Variants in RERE observed in about 807,000 individuals in gnomAD.
RERE encodes the protein arginine-glutamic acid dipeptide repeats protein.
In RERE, 40 loss-of-function variants were observed where a neutral mutation model predicts 146.1. The observed-to-expected ratio is 0.27, with a 90% CI of 0.21 to 0.36. RERE has a LOEUF of 0.36. Ranked by LOEUF, RERE falls within the 10% of genes least tolerant of loss-of-function variation. The pLI is 1.00. For synonymous variants in RERE, 1,003 were observed against 866.0 expected (o/e 1.16, Z -2.78); for missense variants, 1,933 against 2,138.7 (o/e 0.90, Z 1.90).
intron 11 of RERE, among the ~76,000 whole-genome samples, chr1:8,449,767 C>T (rs1205334961): frequency 6.6e-6 from 1 of 152,188 alleles, no homozygotes; most frequent in Non-Finnish European, 1.5e-5. Flanking sequence ...AATTGTGAAA[C>T]ATGACCACAA....
At chr1:8,455,315 G>C (rs762273778) in intron 11 of RERE, among the ~76,000 whole-genome samples, 5 of 152,022 alleles carry the variant, frequency 3.3e-5, no homozygotes, top group Non-Finnish European at 7.4e-5. Flanking sequence ...GATCACAAGG[G>C]AGCACGATTC....
chr1:8,688,060 C>T lies in RERE; in HGVS notation c.-144-31619G>A, dbSNP rs116166096. On this transcript the variant is annotated intron_variant, in intron 1 of 22. Transcript: ENST00000400908. ...CCCCAACTTAAGAGGGTCTAACATA[C>T]GATTTTTTCAAATTAACAACAGTCC... is the stretch of plus-strand genomic sequence containing the variant. 4.8e-3 allele frequency among the ~76,000 whole-genome samples: 729 copies of T among 152,224 alleles called. 6 individuals carry two copies. The highest frequency in any genetic ancestry group is 0.016 in the African/African-American group (664 of 41,548).
At chr1:8,750,704 A>T (rs1179470344) in intron 1 of RERE, 2 of 815,784 alleles carry the variant, frequency 2.5e-6, no homozygotes, top group African/African-American at 3.3e-5. Flanking sequence ...GGCCTTTGTC[A>T]TCAGGACCAG....
chr1:8,789,293 A>T (rs1204973217), intron 1 of RERE, among the ~76,000 whole-genome samples: 5 of 83,900 alleles, frequency 6.0e-5, no homozygotes, highest in Admixed American at 2.7e-4. Flanking sequence ...AAAAAAAAAA[A>T]AAAAAAAAAT....
intron 1 of RERE, among the ~76,000 whole-genome samples, chr1:8,689,239 G>C (rs1038304553): frequency 1.3e-5 from 2 of 152,120 alleles, no homozygotes; most frequent in South Asian, 4.1e-4. Context: ...TAAGGATGGA[G>C]TTTTTGGCCT....
intron 4 of RERE, among the ~76,000 whole-genome samples, chr1:8,564,826 A>ATATATGTGTGTGTGTGTGTG (rs1384858524): frequency 8.5e-5 from 10 of 117,828 alleles, no homozygotes; most frequent in South Asian, 2.7e-4. Flanking sequence ...GTGTGTGTAT[A>ATATATGTGTGTGTGTGTGTG]TGTGTATGTG....
At position 8,763,288 on chromosome 1, in the gene RERE, C is replaced by T. The variant is rs180776394; in HGVS notation, c.-145+53872G>A. On this transcript the variant is annotated intron_variant, in intron 1 of 22. Transcript: ENST00000400908. Reference sequence around the variant, plus strand: ...ATAAGTAAGAGGTACTTCTTGAAAACTAAAAGAAAAAAAATCTACTCCCAT... The same window carrying T: ...ATAAGTAAGAGGTACTTCTTGAAAATTAAAAGAAAAAAAATCTACTCCCAT... Among the ~76,000 whole-genome samples, 519 of 152,084 alleles carry T rather than the reference C, an allele frequency of 3.4e-3. 1 individual carries two copies. Among genetic ancestry groups the T allele is most frequent in the South Asian group, 0.011 (51 of 4,810 alleles).
chr1:8,500,323 G>A (rs1234063810), intron 8 of RERE, among the ~76,000 whole-genome samples: 2 of 152,166 alleles, frequency 1.3e-5, no homozygotes, highest in African/African-American at 4.8e-5. Context: ...GAGAAAAATG[G>A]ACTAGAAATA....
intron 3 of RERE, among the ~76,000 whole-genome samples, chr1:8,620,249 C>T (rs1276875311): frequency 1.3e-5 from 2 of 152,134 alleles, no homozygotes; most frequent in Non-Finnish European, 2.9e-5. Flanking sequence ...TCAGAGCGAA[C>T]AGGATAATCT....
chr1:8,546,329 T>C (rs1645862336), intron 6 of RERE, among the ~76,000 whole-genome samples: 1 of 151,242 alleles, frequency 6.6e-6, no homozygotes, highest in African/African-American at 2.4e-5. Context: ...ATATATATAA[T>C]TTTAGTTTGT....
rs17387017 is a variant in RERE, at chr1:8,660,766, T to C, written c.-144-4325A>G. On this transcript the variant is annotated intron_variant, in intron 1 of 22. Transcript: ENST00000400908. ...TTCTCCAGTCGGAAAGCCAAAAACATTGAAAATATCTGTGTCAATCACTAC... is the reference window on the plus strand; with the variant it reads ...TTCTCCAGTCGGAAAGCCAAAAACACTGAAAATATCTGTGTCAATCACTAC... 8.1e-3 allele frequency among the ~76,000 whole-genome samples: 1,235 copies of C among 152,276 alleles called. 4 individuals carry two copies. Among genetic ancestry groups the C allele is most frequent in the Non-Finnish European group, 0.013 (911 of 68,028 alleles).
intron 4 of RERE, among the ~76,000 whole-genome samples, chr1:8,604,022 G>A (rs915398268): frequency 6.6e-6 from 1 of 152,010 alleles, no homozygotes; most frequent in Non-Finnish European, 1.5e-5. Flanking sequence ...CTAGTTACTG[G>A]AGTTGGGGAC....
At chr1:8,779,307 C>A (rs1227951171) in intron 1 of RERE, among the ~76,000 whole-genome samples, 1 of 149,946 alleles carries the variant, frequency 6.7e-6, no homozygotes, top group Admixed American at 6.7e-5. Flanking sequence ...GTGGGCAGAT[C>A]ACGAGGTCAG....
chr1:8,575,677 G>A (rs1028753837), intron 4 of RERE, among the ~76,000 whole-genome samples: 3 of 151,184 alleles, frequency 2.0e-5, no homozygotes, highest in South Asian at 2.1e-4. Context: ...TTAGACTTGG[G>A]CCATTGTGCC....
At chr1:8,788,291 T>A (rs1641295589) in intron 1 of RERE, among the ~76,000 whole-genome samples, 1 of 151,970 alleles carries the variant, frequency 6.6e-6, no homozygotes, top group Non-Finnish European at 1.5e-5. Context: ...ATCATAACGT[T>A]ATAATAATAT....
At chr1:8,386,902 G>A (rs1038662551) in intron 12 of RERE, among the ~76,000 whole-genome samples, 10 of 152,176 alleles carry the variant, frequency 6.6e-5, no homozygotes, top group Non-Finnish European at 1.2e-4. Flanking sequence ...TTCACAAATA[G>A]AAAAAAGACG....
intron 8 of RERE, among the ~76,000 whole-genome samples, chr1:8,508,394 C>T (rs1351022776): frequency 6.6e-6 from 1 of 152,080 alleles, no homozygotes; most frequent in Non-Finnish European, 1.5e-5. Flanking sequence ...AGATAGATGA[C>T]GGTGATGGCT....
intron 12 of RERE, among the ~76,000 whole-genome samples, chr1:8,411,114 T>C (rs1021287533): frequency 2.6e-5 from 4 of 152,156 alleles, no homozygotes; most frequent in Non-Finnish European, 4.4e-5. Flanking sequence ...TGGTACACTT[T>C]TGTATGAGTC....
intron 1 of RERE, among the ~76,000 whole-genome samples, chr1:8,718,424 CAAAGGCAGA>C (rs1351848664): frequency 1.3e-5 from 2 of 152,224 alleles, no homozygotes; most frequent in Admixed American, 1.3e-4. Context: ...AATTACACAG[CAAAGGCAGA>C]AATGCCTTCT....
Sources: allele counts gnomAD v4.1 joint callset (sites outside exome capture counted in the v4.1 genomes callset), GRCh38; gene constraint gnomAD v4.1.1; transcripts MANE v1.5; gene names NCBI Gene and HGNC (gene_info 2026-07-23, HGNC 2026-07-21).